The following WWOX variants were observed in gnomAD, a reference collection of about 807,000 sequenced individuals.
The protein encoded by WWOX is WW domain-containing oxidoreductase.
In WWOX, 69 loss-of-function variants were observed where a neutral mutation model predicts 46.2. The observed-to-expected ratio is 1.49, with a 90% confidence interval of 1.23 to 1.82. The LOEUF is 1.82. Ranked by LOEUF, WWOX falls within the 40% of genes most tolerant of loss-of-function variation. The pLI is 0.00. For synonymous variants in WWOX, 359 were observed against 202.6 expected (o/e 1.77, Z -6.56); for missense variants, 919 against 542.6 (o/e 1.69, Z -6.89).
chr16:78,161,977 T>G (rs114505271), intron 4 of WWOX, among the ~76,000 whole-genome samples: 1,809 of 152,300 alleles, frequency 0.012, 30 homozygotes, highest in African/African-American at 0.026. Flanking sequence ...AACTCACAGA[T>G]TTCACTCTTA....
intron 8 of WWOX, among the ~76,000 whole-genome samples, chr16:78,537,453 C>T (rs1268481372): frequency 6.6e-6 from 1 of 152,148 alleles, no homozygotes; most frequent in Admixed American, 6.5e-5. Context: ...TAATGTGATA[C>T]CTACTGCCTT....
chr16:78,383,744 A>T (rs956436977), intron 5 of WWOX, among the ~76,000 whole-genome samples: 1 of 152,078 alleles, frequency 6.6e-6, no homozygotes, highest in African/African-American at 2.4e-5. Context: ...GTTTCTCTCC[A>T]TTTCTCAGGA....
chr16:78,190,868 T>G (rs1338289296), intron 5 of WWOX, among the ~76,000 whole-genome samples: 1 of 152,170 alleles, frequency 6.6e-6, no homozygotes, highest in Non-Finnish European at 1.5e-5. Flanking sequence ...TCGCTATACT[T>G]TAGTTCCCAT....
At chr16:78,761,768 A>G (rs1039732039) in intron 8 of WWOX, among the ~76,000 whole-genome samples, 4 of 151,886 alleles carry the variant, frequency 2.6e-5, no homozygotes, top group Middle Eastern at 3.4e-3. Context: ...TTAGGTATTA[A>G]CCCCTTGGTG....
At chr16:78,144,448 C>T (rs4990747) in intron 4 of WWOX, among the ~76,000 whole-genome samples, 9,790 of 16,754 alleles carry the variant, frequency 0.58, 3,213 homozygotes, top group African/African-American at 0.69. Context: ...TATATATATA[C>T]ACATATATAT....
intron 6 of WWOX, among the ~76,000 whole-genome samples, chr16:78,404,880 A>T (rs1316064454): frequency 6.6e-6 from 1 of 152,230 alleles, no homozygotes; most frequent in Non-Finnish European, 1.5e-5. Flanking sequence ...AAATGGAAAC[A>T]ACCAGAACTG....
At chr16:79,046,793 T>C (rs1419796630) in intron 8 of WWOX, among the ~76,000 whole-genome samples, 1 of 152,284 alleles carries the variant, frequency 6.6e-6, no homozygotes. Flanking sequence ...CCCTGCTCTC[T>C]TTGTCCCCCA....
At chr16:78,455,393 C>T (rs773785001) in intron 8 of WWOX, among the ~76,000 whole-genome samples, 20 of 152,076 alleles carry the variant, frequency 1.3e-4, no homozygotes, top group Non-Finnish European at 2.5e-4. Context: ...GTGATTCCAG[C>T]ATTTTGGGAG....
intron 5 of WWOX, among the ~76,000 whole-genome samples, chr16:78,241,977 C>A (rs1446367272): frequency 6.6e-6 from 1 of 152,134 alleles, no homozygotes; most frequent in African/African-American, 2.4e-5. Flanking sequence ...GGTGAATTCC[C>A]CATAGCTACA....
intron 8 of WWOX, among the ~76,000 whole-genome samples, chr16:78,870,683 C>T (rs1214993147): frequency 6.6e-6 from 1 of 152,260 alleles, no homozygotes; most frequent in East Asian, 1.9e-4. Flanking sequence ...CTCACGGCAA[C>T]CTCTGCCTCC....
intron 8 of WWOX, among the ~76,000 whole-genome samples, chr16:78,739,862 A>C (rs1004170054): frequency 6.6e-6 from 1 of 152,196 alleles, no homozygotes; most frequent in Non-Finnish European, 1.5e-5. Flanking sequence ...TTATTATGGA[A>C]GAAGAAGCAG....
At chr16:79,101,233 A>G (rs2049186344) in intron 8 of WWOX, 1 of 152,228 alleles carries the variant, frequency 6.6e-6, no homozygotes. Context: ...GTTTTTATTC[A>G]AACATATTCG....
Position 78,297,236 on chromosome 16 carries a change from G to C in WWOX, c.517-89624G>C, listed in dbSNP as rs1467580491. 2.6e-5 allele frequency among the ~76,000 whole-genome samples: 4 copies of C among 152,120 alleles called. No individual in the cohort carries two copies. In the East Asian group the frequency reaches 7.7e-4, roughly 29 times the overall value. On this transcript the variant is annotated intron_variant, in intron 5 of 8. Transcript: ENST00000566780. Reference sequence around the variant, plus strand: ...CGGCTCTCGCACGGAGCATGCAGCTGTGTAAACCTGAGAATGGTTTCTGCA... The same window carrying C: ...CGGCTCTCGCACGGAGCATGCAGCTCTGTAAACCTGAGAATGGTTTCTGCA...
At chr16:78,822,444 A>G (rs1268302406) in intron 8 of WWOX, among the ~76,000 whole-genome samples, 4 of 152,002 alleles carry the variant, frequency 2.6e-5, no homozygotes, top group Admixed American at 1.3e-4. Flanking sequence ...CAGTCAGCTG[A>G]GACTGCGCCA....
At chr16:78,988,912 C>A (rs148415957) in intron 8 of WWOX, among the ~76,000 whole-genome samples, 479 of 152,266 alleles carry the variant, frequency 3.1e-3, no homozygotes, top group African/African-American at 0.011. Flanking sequence ...AAAGCAGATA[C>A]ACGTGCTTCT....
intron 8 of WWOX, among the ~76,000 whole-genome samples, chr16:78,938,922 G>T (rs896059747): frequency 6.6e-6 from 1 of 152,188 alleles, no homozygotes; most frequent in Non-Finnish European, 1.5e-5. Flanking sequence ...CAGTCAGGGG[G>T]AATGCTGGCT....
At chr16:78,373,521 A>T (rs2081745223) in intron 5 of WWOX, among the ~76,000 whole-genome samples, 1 of 152,220 alleles carries the variant, frequency 6.6e-6, no homozygotes, top group African/African-American at 2.4e-5. Flanking sequence ...GGGTTAGGAA[A>T]TGTGGCTTTC....
At chr16:79,190,734 TAA>T (rs1188259838) in intron 8 of WWOX, among the ~76,000 whole-genome samples, 2 of 152,032 alleles carry the variant, frequency 1.3e-5, no homozygotes, top group African/African-American at 4.8e-5. Context: ...TTTTTGTAAA[TAA>T]AGTTTTATTG....
chr16:78,233,580 G>T (rs1219198707), intron 5 of WWOX, among the ~76,000 whole-genome samples: 1 of 145,688 alleles, frequency 6.9e-6, no homozygotes, highest in Non-Finnish European at 1.5e-5. Flanking sequence ...AGGCTGGAGT[G>T]CACTATCGCG....
Sources: allele counts gnomAD v4.1 joint callset (sites outside exome capture counted in the v4.1 genomes callset), GRCh38; gene constraint gnomAD v4.1.1; transcripts MANE v1.5; gene names NCBI Gene and HGNC (gene_info 2026-07-23, HGNC 2026-07-21).